Variants in NCOA1 observed in about 807,000 individuals in gnomAD.
NCOA1 encodes Hin-2 protein.
NCOA1 carries 35 observed loss-of-function variants against 150.9 expected under a neutral mutation model. That is an observed-to-expected ratio of 0.23 (90% CI 0.18 to 0.31). The LOEUF is 0.31. NCOA1 is among the 10% of genes least tolerant of loss of function. The probability of loss-of-function intolerance (pLI) is 1.00; values close to 1 mark genes in which losing one functional copy is unlikely to be tolerated. For missense variants in NCOA1, 1,491 were observed against 1,749.3 expected (o/e 0.85, Z 2.63); for synonymous variants, 590 against 630.0 (o/e 0.94, Z 0.95).
chr2:24,545,172 A>T (rs1558781999), intron 1 of NCOA1, among the ~76,000 whole-genome samples: 1 of 152,192 alleles, frequency 6.6e-6, no homozygotes, highest in Non-Finnish European at 1.5e-5. Context: ...ACTCTCCAAT[A>T]GAAAGAACTA....
chr2:24,523,217 A>G (rs1346067189), intron 1 of NCOA1, among the ~76,000 whole-genome samples: 1 of 152,140 alleles, frequency 6.6e-6, no homozygotes, highest in Non-Finnish European at 1.5e-5. Context: ...TCAGCTTTTT[A>G]AAACAAATAA....
intron 3 of NCOA1, among the ~76,000 whole-genome samples, chr2:24,601,612 C>CTT (rs112063269): frequency 2.4e-3 from 320 of 131,994 alleles, no homozygotes; most frequent in African/African-American, 4.8e-3. Context: ...CTCCTTCCTC[C>CTT]TTTTTTTTTT....
intron 3 of NCOA1, among the ~76,000 whole-genome samples, chr2:24,643,682 C>CT (rs1670336145): frequency 1.3e-5 from 2 of 152,016 alleles, no homozygotes; most frequent in Admixed American, 1.3e-4. Flanking sequence ...CCAGAAACAA[C>CT]TTTTAAAAGA....
chr2:24,505,213 T>C (rs1419912034), intron 1 of NCOA1, among the ~76,000 whole-genome samples: 2 of 151,152 alleles, frequency 1.3e-5, no homozygotes, highest in Non-Finnish European at 2.9e-5. Flanking sequence ...TGAGACGGAG[T>C]TTTGCCCTTG....
At chr2:24,619,838 A>G (rs1348291856) in intron 3 of NCOA1, among the ~76,000 whole-genome samples, 1 of 152,186 alleles carries the variant, frequency 6.6e-6, no homozygotes, top group Non-Finnish European at 1.5e-5. Flanking sequence ...ATTTTTGGTG[A>G]TAAATAATAG....
At chr2:24,595,731 G>A (rs947621393) in intron 3 of NCOA1, among the ~76,000 whole-genome samples, 18 of 151,972 alleles carry the variant, frequency 1.2e-4, no homozygotes, top group Admixed American at 8.5e-4. Flanking sequence ...GTTTTTTAGG[G>A]CCTTTTTAGC....
At chr2:24,576,170 G>GTTTTTGTTTTTGTTT (rs1666967476) in intron 2 of NCOA1, among the ~76,000 whole-genome samples, 18 of 46,296 alleles carry the variant, frequency 3.9e-4, no homozygotes, top group Admixed American at 2.3e-3. Flanking sequence ...TTTGTTTTTT[G>GTTTTTGTTTTTGTTT]TTTTTTTTTT....
At chr2:24,739,350 A>G in intron 17 of NCOA1, 82 bp from the exon 18 acceptor site, 1 of 993,180 alleles carries the variant, frequency 1.0e-6, no homozygotes, top group Non-Finnish European at 1.6e-6. Flanking sequence ...TTTAGTAATC[A>G]ATAGAAAGTT....
intron 3 of NCOA1, among the ~76,000 whole-genome samples, chr2:24,606,498 A>G (rs1008630532): frequency 3.3e-5 from 5 of 152,106 alleles, no homozygotes; most frequent in Non-Finnish European, 7.4e-5. Flanking sequence ...CAGCCTCCCA[A>G]AGTGTTGGGA....
intron 8 of NCOA1, among the ~76,000 whole-genome samples, chr2:24,687,614 CT>C (rs1308613126): frequency 6.6e-6 from 1 of 152,068 alleles, no homozygotes; most frequent in Non-Finnish European, 1.5e-5. Flanking sequence ...AAGCAATTGC[CT>C]TCTTCACAAG....
chr2:24,502,990 A>C (rs1663529018), intron 1 of NCOA1, among the ~76,000 whole-genome samples: 1 of 152,224 alleles, frequency 6.6e-6, no homozygotes, highest in South Asian at 2.1e-4. Flanking sequence ...AGGGTATGAG[A>C]ATGGCAGATG....
intron 3 of NCOA1, among the ~76,000 whole-genome samples, chr2:24,599,841 G>A (rs916793725): frequency 1.3e-5 from 2 of 148,600 alleles, no homozygotes; most frequent in Non-Finnish European, 1.5e-5. Flanking sequence ...AGCGATTCTC[G>A]TGCCTCAGCC....
At chr2:24,605,573 A>G (rs1668328728) in intron 3 of NCOA1, among the ~76,000 whole-genome samples, 1 of 152,220 alleles carries the variant, frequency 6.6e-6, no homozygotes, top group African/African-American at 2.4e-5. Context: ...GTGCAAAAGT[A>G]TCCCTTCCTA....
intron 19 of NCOA1, among the ~76,000 whole-genome samples, chr2:24,750,498 A>G (rs1361846010): frequency 1.3e-5 from 2 of 152,210 alleles, no homozygotes; most frequent in Non-Finnish European, 2.9e-5. Flanking sequence ...ATCCTAAATA[A>G]AAAGGAATAG....
Position 24,742,024 on chromosome 2 carries a change from G to A in NCOA1, c.3544G>A (p.Ala1182Thr). The A allele has an allele frequency of 6.2e-7, 1 of 1,614,192 alleles. No individual in the cohort carries two copies. The change falls in exon 19 of 23, where the codon GCT becomes ACT. Residue 1182 changes from alanine to threonine, a missense_variant. Physicochemically the swap from Ala to Thr is moderately conservative, Grantham distance 58. This residue lies in a region of NCOA1 where 485 missense variants were observed against 522.8 expected (regional missense o/e 0.93). Coordinates refer to ENST00000348332, the MANE Select transcript of NCOA1 (RefSeq NM_003743.5). ...NYGTNPGTPP[A>T]STSPFSQLAA... ...TGGTACAAATCCAGGAACCCCACCTGCTTCTACCAGCCCGTTTTCACAACT... is the reference window on the plus strand; with the variant it reads ...TGGTACAAATCCAGGAACCCCACCTACTTCTACCAGCCCGTTTTCACAACT...
At chr2:24,598,213 C>A (rs56317452) in intron 3 of NCOA1, among the ~76,000 whole-genome samples, 6,601 of 152,024 alleles carry the variant, frequency 0.043, 218 homozygotes, top group African/African-American at 0.096. Context: ...GGGTACAATG[C>A]CTTAGTTAAA....
intron 2 of NCOA1, among the ~76,000 whole-genome samples, chr2:24,573,752 T>C (rs1301941267): frequency 6.6e-6 from 1 of 152,054 alleles, no homozygotes; most frequent in Non-Finnish European, 1.5e-5. Context: ...ATTTAAAATA[T>C]ACAACTTTAA....
At chr2:24,511,065 ATTTTGTACATT>A (rs753885366) in intron 1 of NCOA1, among the ~76,000 whole-genome samples, 1 of 152,056 alleles carries the variant, frequency 6.6e-6, no homozygotes, top group Non-Finnish European at 1.5e-5. Flanking sequence ...GGATTTGCCT[ATTTTGTACATT>A]TCATGTAAGT....
At chr2:24,689,359 A>T (rs1672555836) in intron 8 of NCOA1, among the ~76,000 whole-genome samples, 1 of 151,742 alleles carries the variant, frequency 6.6e-6, no homozygotes, top group African/African-American at 2.4e-5. Flanking sequence ...TGAGCATGGG[A>T]TGTTTTTCTA....
Sources: gnomAD v4.1 joint callset for allele counts (sites outside exome capture counted in the v4.1 genomes callset) on GRCh38, gnomAD v4.1.1 for gene constraint, gnomAD v4.1.1 regional missense constraint, MANE v1.5 for transcripts, NCBI Gene and HGNC (gene_info 2026-07-23, HGNC 2026-07-21) for gene names.